Variants in ETV6 observed in about 807,000 individuals in gnomAD.
ETV6 encodes ETS variant transcription factor 6.
A neutral mutation model predicts 51.1 loss-of-function variants in ETV6; 16 were observed. That is an observed-to-expected ratio of 0.31 (90% CI 0.21 to 0.48). The LOEUF (loss-of-function observed/expected upper bound fraction) is 0.48. ETV6 is among the 20% of genes least tolerant of loss of function. The pLI is 0.99. For missense variants in ETV6, 458 were observed against 594.8 expected, an observed-to-expected ratio of 0.77 and a Z score of 2.39; for synonymous variants, 240 against 224.1, an observed-to-expected ratio of 1.07 and a Z score of -0.64.
chr12:11,758,674 A>G (rs952185920), intron 2 of ETV6, among the ~76,000 whole-genome samples: 2 of 152,012 alleles, frequency 1.3e-5, no homozygotes, highest in South Asian at 2.1e-4. Context: ...TCTAATACCT[A>G]TCAAGTCCTC....
intron 2 of ETV6, among the ~76,000 whole-genome samples, chr12:11,772,917 A>G (rs1945263970): frequency 6.6e-6 from 1 of 152,178 alleles, no homozygotes; most frequent in African/African-American, 2.4e-5. Flanking sequence ...AATCTTGGCC[A>G]GGTGCAGTGG....
intron 2 of ETV6, among the ~76,000 whole-genome samples, chr12:11,778,290 A>ACAC (rs1945362333): frequency 2.6e-5 from 4 of 152,260 alleles, no homozygotes; most frequent in African/African-American, 9.6e-5. Flanking sequence ...CTTCCTGGGC[A>ACAC]GCCTGGCGAG....
At chr12:11,697,160 C>T (rs558730714) in intron 1 of ETV6, among the ~76,000 whole-genome samples, 19 of 152,216 alleles carry the variant, frequency 1.2e-4, no homozygotes, top group African/African-American at 4.6e-4. Flanking sequence ...TGGAGTCGAT[C>T]ATTTATTTTG....
chr12:11,740,520 C>T (rs112721432), intron 1 of ETV6, among the ~76,000 whole-genome samples: 14 of 152,304 alleles, frequency 9.2e-5, no homozygotes, highest in African/African-American at 3.4e-4. Flanking sequence ...GTTTGAACAA[C>T]CCAGTGAATT....
At chr12:11,755,502 A>G (rs1296946200) in intron 2 of ETV6, among the ~76,000 whole-genome samples, 1 of 152,014 alleles carries the variant, frequency 6.6e-6, no homozygotes, top group East Asian at 1.9e-4. Flanking sequence ...CTCAGCTGGG[A>G]CTTTCCAAAT....
intron 6 of ETV6, among the ~76,000 whole-genome samples, chr12:11,885,156 A>G (rs1418467492): frequency 6.6e-6 from 1 of 152,260 alleles, no homozygotes; most frequent in Non-Finnish European, 1.5e-5. Context: ...GCGCAGTTGT[A>G]AAAAGCGGGT....
intron 2 of ETV6, among the ~76,000 whole-genome samples, chr12:11,762,394 C>G (rs1486311391): frequency 6.6e-6 from 1 of 152,234 alleles, no homozygotes; most frequent in African/African-American, 2.4e-5. Context: ...TTTGCCTTTC[C>G]TGTAACCTGT....
Position 11,891,691 on chromosome 12 carries a change from C to T in ETV6, c.*645C>T. On this transcript the variant is annotated 3_prime_UTR_variant, in exon 8 of 8. Transcript: ENST00000396373. ...CTGTTCTTCCCTTGGTCCCCTCTGT[C>T]CTCCCGCCCTGCCTGCAGTTGAGAT... The T allele has an allele frequency of 2.1e-6, 1 of 478,892 alleles. No homozygotes were observed. Among genetic ancestry groups the T allele is most frequent in the Non-Finnish European group, 4.0e-6 (1 of 250,342 alleles). 29.7% of individuals were successfully genotyped at this position (478,892 alleles called of 1,614,324 possible). A position where few individuals can be genotyped will look rare whatever the true frequency, so the allele number is the denominator to read the frequency against.
intron 1 of ETV6, among the ~76,000 whole-genome samples, chr12:11,746,535 G>C (rs1865912030): frequency 6.6e-6 from 1 of 152,200 alleles, no homozygotes; most frequent in African/African-American, 2.4e-5. Flanking sequence ...CGTGTTCTGA[G>C]AGGTGTTAAG....
At chr12:11,886,094 G>T in intron 7 of ETV6, 68 bp downstream of exon 7, 1 of 1,140,114 alleles carries the variant, frequency 8.8e-7, no homozygotes, top group Non-Finnish European at 1.3e-6. Context: ...ACGGGGAGTG[G>T]GGGGAGACTG....
intron 2 of ETV6, among the ~76,000 whole-genome samples, chr12:11,793,340 C>A (rs1297455752): frequency 2.0e-5 from 3 of 152,216 alleles, no homozygotes; most frequent in Non-Finnish European, 2.9e-5. Context: ...GGTGGAGCTC[C>A]CCTGTTCATT....
At chr12:11,680,756 A>G (rs939527137) in intron 1 of ETV6, among the ~76,000 whole-genome samples, 1 of 152,188 alleles carries the variant, frequency 6.6e-6, no homozygotes, top group Non-Finnish European at 1.5e-5. Flanking sequence ...TAGTTGTACC[A>G]TGTTCAGGAA....
In ETV6 at chr12:11,720,533, A is replaced by G. The variant is rs1184207486; in HGVS notation, c.34-31917A>G. Among the ~76,000 whole-genome samples, 3 of 152,230 alleles carry G rather than the reference A, an allele frequency of 2.0e-5. No individual in the cohort carries two copies. In the East Asian group the frequency reaches 5.8e-4, roughly 29 times the overall value. ...GGATAGCTGGCTAGCCATATGCAGA[A>G]GAATGAAACTGAACCCTTACCTTTC... On this transcript the variant is annotated intron_variant, in intron 1 of 7. Coordinates refer to ENST00000396373, the MANE Select transcript of ETV6 (RefSeq NM_001987.5).
At chr12:11,860,637 C>T (rs1398981267) in intron 4 of ETV6, among the ~76,000 whole-genome samples, 2 of 151,864 alleles carry the variant, frequency 1.3e-5, no homozygotes, top group African/African-American at 4.8e-5. Context: ...GCCAAGCATT[C>T]GGTAAATGTT....
intron 1 of ETV6, among the ~76,000 whole-genome samples, chr12:11,700,716 A>G (rs1159950250): frequency 6.6e-6 from 1 of 152,196 alleles, no homozygotes; most frequent in African/African-American, 2.4e-5. Context: ...GTGGAGCATC[A>G]TAAAGGTCTT....
At chr12:11,797,011 G>T (rs931236040) in intron 2 of ETV6, among the ~76,000 whole-genome samples, 4 of 152,058 alleles carry the variant, frequency 2.6e-5, no homozygotes, top group Non-Finnish European at 5.9e-5. Flanking sequence ...CTGGCCTAGG[G>T]TAATTTCTTA....
chr12:11,657,979 C>T (rs1390930807), intron 1 of ETV6, among the ~76,000 whole-genome samples: 2 of 152,232 alleles, frequency 1.3e-5, no homozygotes, highest in African/African-American at 4.8e-5. Context: ...ACCCATGAAT[C>T]CTGGTTCCTG....
chr12:11,797,000 C>G (rs544214286), intron 2 of ETV6, among the ~76,000 whole-genome samples: 1 of 152,102 alleles, frequency 6.6e-6, no homozygotes, highest in Non-Finnish European at 1.5e-5. Context: ...AGCTACCATG[C>G]CTGGCCTAGG....
At chr12:11,771,871 T>C (rs1468661287) in intron 2 of ETV6, among the ~76,000 whole-genome samples, 2 of 152,206 alleles carry the variant, frequency 1.3e-5, no homozygotes, top group African/African-American at 4.8e-5. Flanking sequence ...AGAATGTAAC[T>C]TGGAGTCAGG....
Sources: gnomAD v4.1 joint callset for allele counts (sites outside exome capture counted in the v4.1 genomes callset) on GRCh38, gnomAD v4.1.1 for gene constraint, MANE v1.5 for transcripts, NCBI Gene and HGNC (gene_info 2026-07-23, HGNC 2026-07-21) for gene names.